Variants in GARRE1 observed in about 807,000 individuals in gnomAD.
The protein encoded by GARRE1 is granule associated Rac and RHOG effector protein 1.
A neutral mutation model predicts 103.2 loss-of-function variants in GARRE1; 49 were observed. The ratio of observed to expected loss-of-function variants is 0.47; its 90% CI spans 0.38 to 0.60. The LOEUF (loss-of-function observed/expected upper bound fraction) is 0.60, where lower values mean the gene tolerates loss of function less well. Among genes scored for constraint, GARRE1 ranks in the 20% least tolerant of loss-of-function variants. The pLI is 0.00. For missense variants in GARRE1, 1,199 were observed against 1,370.5 expected (o/e 0.87, Z 1.98); for synonymous variants, 505 against 532.8 (o/e 0.95, Z 0.72).
At chr19:34,283,927 G>T (rs376508970) in intron 1 of GARRE1, among the ~76,000 whole-genome samples, 6 of 149,526 alleles carry the variant, frequency 4.0e-5, no homozygotes, top group African/African-American at 1.5e-4. Context: ...CGCCTCCCAG[G>T]TTCATGCCAT....
chr19:34,321,776 A>G lies in GARRE1; in HGVS notation c.705+1660A>G, dbSNP rs138236180. 1.9e-3 allele frequency among the ~76,000 whole-genome samples: 282 copies of G among 152,336 alleles called. 1 individual carries two copies. The highest frequency in any genetic ancestry group is 6.1e-3 in the African/African-American group (252 of 41,578). On this transcript the variant is annotated intron_variant, in intron 3 of 13. Transcript: ENST00000299505. ...CAGGCGTGAGCCACTGCACTGGGCC[A>G]ACATGAAGTCTTTTATCCCTTGGAA...
chr19:34,318,289 C>T (rs2074069191), intron 2 of GARRE1, among the ~76,000 whole-genome samples: 2 of 152,222 alleles, frequency 1.3e-5, no homozygotes, highest in Admixed American at 6.5e-5. Flanking sequence ...TGCCACAAGG[C>T]AGAGAGTCCA....
intron 8 of GARRE1, among the ~76,000 whole-genome samples, chr19:34,337,763 T>G (rs371300349): frequency 1.6e-4 from 25 of 152,348 alleles, no homozygotes; most frequent in African/African-American, 5.8e-4. Flanking sequence ...GTTTGTTGAT[T>G]GTTGATTTTT....
intron 8 of GARRE1, among the ~76,000 whole-genome samples, chr19:34,339,662 A>G (rs933325310): frequency 6.6e-6 from 1 of 152,142 alleles, no homozygotes. Flanking sequence ...ATATCATGAG[A>G]CCTCAGACCT....
Position 34,327,341 on chromosome 19 carries a change from C to CTTG in GARRE1, c.706-71_706-69dup, listed in dbSNP as rs765360220. ...CTGCATTTTACTTGAGGGGGTTTTTCTTGTTGTTGTTATTGTTGGTCTAAT... is the reference window on the plus strand; with the variant it reads ...CTGCATTTTACTTGAGGGGGTTTTTCTTGTTGTTGTTGTTATTGTTGGTCTAAT... On this transcript the variant is annotated intron_variant, in intron 3 of 13. Coordinates refer to ENST00000299505, the MANE Select transcript of GARRE1 (RefSeq NM_014686.5). The CTTG allele has an allele frequency of 3.9e-5, 51 of 1,318,754 alleles. No homozygotes were observed. In the Middle Eastern group the frequency reaches 8.4e-4, roughly 22 times the overall value. 81.7% of individuals were successfully genotyped at this position (1,318,754 alleles called of 1,614,324 possible).
chr19:34,335,557 G>A (rs2074157005), intron 8 of GARRE1, among the ~76,000 whole-genome samples: 1 of 152,116 alleles, frequency 6.6e-6, no homozygotes, highest in Non-Finnish European at 1.5e-5. Flanking sequence ...ACAGAATCTC[G>A]GTCTGTCGCC....
chr19:34,325,739 C>T (rs952452008), intron 3 of GARRE1, among the ~76,000 whole-genome samples: 1 of 152,218 alleles, frequency 6.6e-6, no homozygotes, highest in African/African-American at 2.4e-5. Context: ...CCTAGTCTGG[C>T]TCCTGCCTTG....
chr19:34,260,154 G>C (rs1446924366), intron 1 of GARRE1, among the ~76,000 whole-genome samples: 1 of 152,146 alleles, frequency 6.6e-6, no homozygotes, highest in Non-Finnish European at 1.5e-5. Flanking sequence ...CCCACACTCT[G>C]ATCAATTAGC....
chr19:34,286,746 C>T (rs945018841), intron 1 of GARRE1, among the ~76,000 whole-genome samples: 11 of 152,082 alleles, frequency 7.2e-5, no homozygotes, highest in African/African-American at 1.4e-4. Context: ...CGTGATCCGC[C>T]CGCCTCGGCC....
At chr19:34,321,218 G>A (rs1336324378) in intron 3 of GARRE1, among the ~76,000 whole-genome samples, 4 of 135,540 alleles carry the variant, frequency 3.0e-5, no homozygotes, top group East Asian at 2.0e-4. Context: ...CACCAAGCCC[G>A]GCTAATTTTT....
chr19:34,328,301 G>A (rs1210459580), intron 6 of GARRE1, 150 bp downstream of exon 6: 9 of 806,808 alleles, frequency 1.1e-5, no homozygotes, highest in East Asian at 5.5e-5. Context: ...TTTGGGAGGC[G>A]GGCGGATCAC....
chr19:34,317,201 C>G (rs2074064024), intron 2 of GARRE1, among the ~76,000 whole-genome samples: 1 of 152,244 alleles, frequency 6.6e-6, no homozygotes, highest in Non-Finnish European at 1.5e-5. Flanking sequence ...AGCACCCGGC[C>G]TTGCATATCT....
At chr19:34,335,671 G>T (rs149187917) in intron 8 of GARRE1, among the ~76,000 whole-genome samples, 1 of 152,154 alleles carries the variant, frequency 6.6e-6, no homozygotes, top group Non-Finnish European at 1.5e-5. Flanking sequence ...GATTACAGGC[G>T]CATGCCACTA....
chr19:34,293,715 A>AAAACACACACACACACACACACACACAC (rs1555781735), intron 1 of GARRE1, among the ~76,000 whole-genome samples: 2 of 100,498 alleles, frequency 2.0e-5, no homozygotes, highest in African/African-American at 8.9e-5. Context: ...TAAACATATA[A>AAAACACACACACACACACACACACACAC]ACACACACAC....
At chr19:34,317,168 T>C (rs1451608263) in intron 2 of GARRE1, among the ~76,000 whole-genome samples, 1 of 152,240 alleles carries the variant, frequency 6.6e-6, no homozygotes, top group East Asian at 1.9e-4. Flanking sequence ...TTCCTTCCCA[T>C]CCGTCTGTGT....
In GARRE1 at chr19:34,300,922, C is replaced by T; in HGVS notation, c.449C>T (p.Ala150Val). ...AKMLMELSAG[A>V]ANFTDQKEFS... ...ATGCTAATGGAACTTAGTGCTGGGG[C>T]TGCAAATTTTACGGATCAGAAGGAA... The change falls in exon 2 of 14, where the codon GCT (alanine) becomes GTT (valine). Residue 150 changes from alanine to valine, a missense_variant. By Grantham distance (64) the Ala-to-Val change is moderately conservative (BLOSUM62 0). Transcript: ENST00000299505. 6.2e-7 allele frequency: 1 copy of T among 1,605,912 alleles called. No individual in the cohort carries two copies. Among genetic ancestry groups the T allele is most frequent in the Non-Finnish European group, 8.5e-7 (1 of 1,179,882 alleles).
intron 1 of GARRE1, among the ~76,000 whole-genome samples, chr19:34,299,262 G>A (rs982282630): frequency 6.6e-6 from 1 of 152,082 alleles, no homozygotes; most frequent in Non-Finnish European, 1.5e-5. Flanking sequence ...CTTGCCCTTT[G>A]CCCATCTCTG....
chr19:34,315,672 C>A lies in GARRE1; in HGVS notation c.496-4235C>A, dbSNP rs572885098. 4.7e-5 allele frequency among the ~76,000 whole-genome samples: 6 copies of A among 127,486 alleles called. No individual in the cohort carries two copies. The Admixed American group carries it at 5.8e-4, about 12-fold the overall frequency. 83.6% of individuals were successfully genotyped at this position (127,486 alleles called of 152,430 possible). A position where few individuals can be genotyped will look rare whatever the true frequency, so the allele number is the denominator to read the frequency against. On this transcript the variant is annotated intron_variant, in intron 2 of 13. Coordinates refer to ENST00000299505, the MANE Select transcript of GARRE1 (RefSeq NM_014686.5). ...CTTGCAGTGAGCCAAGATTGTGCCA[C>A]TGCACTCCAGCCTGGGCAACAGAGC...
chr19:34,279,771 G>A (rs2073839845), intron 1 of GARRE1, among the ~76,000 whole-genome samples: 1 of 151,786 alleles, frequency 6.6e-6, no homozygotes, highest in South Asian at 2.1e-4. Flanking sequence ...GGATCACGAG[G>A]TCAGGAGATT....
Sources: gnomAD v4.1 joint callset for allele counts (sites outside exome capture counted in the v4.1 genomes callset) on GRCh38, gnomAD v4.1.1 for gene constraint, MANE v1.5 for transcripts, NCBI Gene and HGNC (gene_info 2026-07-23, HGNC 2026-07-21) for gene names.